DCAF8L2: variants seen among roughly 807,000 people sequenced by gnomAD.
DCAF8L2 encodes DDB1- and CUL4-associated factor 8-like protein 2.
For missense variants in DCAF8L2, 430 were observed against 490.7 expected, an observed-to-expected ratio of 0.88 and a Z score of 1.17; for synonymous variants, 200 against 190.9, an observed-to-expected ratio of 1.05 and a Z score of -0.39.
At chrX:27,641,931 C>T (rs941122054) in intron 2 of DCAF8L2, among the ~76,000 whole-genome samples, 11 of 109,618 alleles carry the variant, frequency 1.0e-4, no homozygotes, top group African/African-American at 3.7e-4. Flanking sequence ...CTCTGTCGCC[C>T]GTGCTGGAGT....
chrX:27,564,513 T>C, the DCAF8L2 span, among the ~76,000 whole-genome samples: 1 of 88,291 alleles, frequency 1.1e-5, no homozygotes, highest in East Asian at 4.1e-4. Context: ...CTTTCTCTCT[T>C]ACACACACGT....
At chrX:27,633,961 C>T (rs1189140666) in intron 2 of DCAF8L2, among the ~76,000 whole-genome samples, 1 of 111,463 alleles carries the variant, frequency 9.0e-6, no homozygotes. Context: ...GTTTGACAAC[C>T]TTGTCAGAGC....
intron 1 of DCAF8L2, among the ~76,000 whole-genome samples, chrX:27,610,897 A>G (rs965443795): frequency 8.9e-6 from 1 of 112,468 alleles, no homozygotes; most frequent in Non-Finnish European, 1.9e-5. Context: ...GAGCAGATTA[A>G]TACGGCCTCT....
intron 4 of DCAF8L2, among the ~76,000 whole-genome samples, chrX:27,726,877 T>C (rs1932087467): frequency 8.9e-6 from 1 of 112,107 alleles, no homozygotes; most frequent in African/African-American, 3.2e-5. Context: ...ATGAACATTC[T>C]TTCCTATGTT....
chrX:27,550,489 C>T, the DCAF8L2 span, among the ~76,000 whole-genome samples: 1 of 111,314 alleles, frequency 9.0e-6, no homozygotes, highest in East Asian at 2.8e-4. Flanking sequence ...AGCCACTACA[C>T]CCAGCCTATC....
intron 2 of DCAF8L2, among the ~76,000 whole-genome samples, chrX:27,663,823 G>A (rs1170194463): frequency 5.7e-5 from 6 of 106,117 alleles, no homozygotes; most frequent in Admixed American, 1.0e-4. Flanking sequence ...TCAGCCTCCC[G>A]AGTAGCTGTC....
At chrX:27,522,391 CTT>C in the DCAF8L2 span, among the ~76,000 whole-genome samples, 2 of 111,954 alleles carry the variant, frequency 1.8e-5, no homozygotes, top group East Asian at 5.6e-4. Context: ...TGTTTTTCCT[CTT>C]ATTTCATTTT....
upstream of DCAF8L2, among the ~76,000 whole-genome samples, chrX:27,587,985 A>AAAAAAAAAAAAATATAT: frequency 4.5e-5 from 1 of 22,369 alleles, no homozygotes; most frequent in African/African-American, 9.8e-5. Flanking sequence ...TAAAAAAAAA[A>AAAAAAAAAAAAATATAT]ATATATATAT....
the DCAF8L2 span, among the ~76,000 whole-genome samples, chrX:27,582,313 T>A: frequency 3.0e-4 from 34 of 111,975 alleles, no homozygotes; most frequent in African/African-American, 1.1e-3. Flanking sequence ...TTCACTGAAC[T>A]ATACATAGTA....
Position 27,669,624 on chromosome X carries a change from C to T in DCAF8L2, c.-219-8212C>T, listed in dbSNP as rs186344842. Among the ~76,000 whole-genome samples the T allele has an allele frequency of 2.5e-3, 275 of 108,866 alleles. 1 individual carries two copies. Among genetic ancestry groups the T allele is most frequent in the African/African-American group, 8.5e-3 (254 of 29,868 alleles). 94.5% of individuals were successfully genotyped at this position (108,866 alleles called of 115,157 possible). On this transcript the variant is annotated intron_variant, in intron 2 of 4. Coordinates refer to ENST00000451261, the MANE Select transcript of DCAF8L2 (RefSeq NM_001353450.2). Reference sequence around the variant, plus strand: ...ATATCTCCTAATGCTATCCCTCCCCCGCCCCCGCTCCATGACAGACCCTGG... The same window carrying T: ...ATATCTCCTAATGCTATCCCTCCCCTGCCCCCGCTCCATGACAGACCCTGG...
At chrX:27,703,761 A>C (rs1931218045) in intron 3 of DCAF8L2, among the ~76,000 whole-genome samples, 1 of 111,004 alleles carries the variant, frequency 9.0e-6, no homozygotes, top group Admixed American at 9.7e-5. Flanking sequence ...CAGTTAAAAC[A>C]ATAACAGCCT....
chrX:27,647,050 T>C (rs1238493014), intron 2 of DCAF8L2, among the ~76,000 whole-genome samples: 3 of 112,005 alleles, frequency 2.7e-5, no homozygotes, highest in Non-Finnish European at 5.6e-5. Context: ...CCAGCAATTC[T>C]ATTACTGGTT....
intron 3 of DCAF8L2, among the ~76,000 whole-genome samples, chrX:27,705,752 T>C (rs1218642916): frequency 8.9e-6 from 1 of 112,080 alleles, no homozygotes; most frequent in Non-Finnish European, 1.9e-5. Context: ...GTTTACTCTG[T>C]TGCTAGTTTA....
intron 2 of DCAF8L2, among the ~76,000 whole-genome samples, chrX:27,644,795 G>T (rs1053690585): frequency 1.8e-5 from 2 of 111,676 alleles, no homozygotes; most frequent in African/African-American, 6.5e-5. Flanking sequence ...TTGCTCTGTC[G>T]CCAGGCTGGA....
chrX:27,625,587 T>C (rs1421632633), intron 1 of DCAF8L2, among the ~76,000 whole-genome samples: 16 of 112,186 alleles, frequency 1.4e-4, no homozygotes, highest in African/African-American at 5.2e-4. Flanking sequence ...CTGTTTACAA[T>C]AGCAAAAACA....
the DCAF8L2 span, among the ~76,000 whole-genome samples, chrX:27,475,655 T>C: frequency 1.8e-5 from 2 of 111,786 alleles, no homozygotes; most frequent in Non-Finnish European, 3.8e-5. Flanking sequence ...GAAACCATAC[T>C]TGGAAAATAA....
the DCAF8L2 span, among the ~76,000 whole-genome samples, chrX:27,556,378 A>G: frequency 9.0e-6 from 1 of 111,520 alleles, no homozygotes; most frequent in Non-Finnish European, 1.9e-5. Flanking sequence ...ATTAAGTGTA[A>G]TGTGCGATAT....
intron 2 of DCAF8L2, among the ~76,000 whole-genome samples, chrX:27,644,899 C>T (rs1027227681): frequency 8.9e-6 from 1 of 111,762 alleles, no homozygotes; most frequent in Non-Finnish European, 1.9e-5. Flanking sequence ...AGATTACATG[C>T]ACGTGCCACC....
At chrX:27,653,235 G>A (rs1327788465) in intron 2 of DCAF8L2, among the ~76,000 whole-genome samples, 1 of 111,601 alleles carries the variant, frequency 9.0e-6, no homozygotes, top group Non-Finnish European at 1.9e-5. Flanking sequence ...CAATTTGACT[G>A]ATACAAACCA....
Sources: gnomAD v4.1 joint callset for allele counts (sites outside exome capture counted in the v4.1 genomes callset) on GRCh38, gnomAD v4.1.1 for gene constraint, MANE v1.5 for transcripts, NCBI Gene and HGNC (gene_info 2026-07-23, HGNC 2026-07-21) for gene names.